TTLL9: variants seen among roughly 807,000 people sequenced by gnomAD.
TTLL9 encodes the protein tubulin tyrosine ligase like 9.
A neutral mutation model predicts 65.6 loss-of-function variants in TTLL9; 47 were observed. That is an observed-to-expected ratio of 0.72 (90% CI 0.57 to 0.91). The LOEUF is 0.91. Ranked by LOEUF, TTLL9 falls within the 40% of genes least tolerant of loss-of-function variation. The pLI, the probability that TTLL9 is intolerant of heterozygous loss-of-function variation, is 0.00. For missense variants in TTLL9, 537 were observed against 568.8 expected, an observed-to-expected ratio of 0.94 and a Z score of 0.57; for synonymous variants, 179 against 204.8, an observed-to-expected ratio of 0.87 and a Z score of 1.07.
Position 31,871,566 on chromosome 20 carries a change from G to C in TTLL9, c.69+371G>C, listed in dbSNP as rs145350321. On this transcript the variant is annotated intron_variant, in intron 2 of 14. Coordinates refer to ENST00000535842, the MANE Select transcript of TTLL9 (RefSeq NM_001008409.5). ...ACTGGGGATTGTGGATAGAGAGCAG[G>C]ACAGAGAGAATCCACAGAGCCCTTT... Among the ~76,000 whole-genome samples, 241 of 152,300 alleles carry C rather than the reference G, an allele frequency of 1.6e-3. No individual in the cohort carries two copies. In the Middle Eastern group the frequency reaches 0.02, roughly 13 times the overall value.
At chr20:31,879,915 C>A in intron 2 of TTLL9, 1 of 1,530,554 alleles carries the variant, frequency 6.5e-7, no homozygotes, top group South Asian at 1.2e-5. Context: ...TCGACCTGAC[C>A]CAGATGCTTT....
At chr20:31,936,602 C>T (rs567299912) in intron 12 of TTLL9, among the ~76,000 whole-genome samples, 1 of 152,318 alleles carries the variant, frequency 6.6e-6, no homozygotes, top group African/African-American at 2.4e-5. Flanking sequence ...TTGGAATGCC[C>T]TCTCCAGCTC....
intron 2 of TTLL9, 78 bp from the exon 3 acceptor site, chr20:31,887,118 A>C: frequency 1.4e-6 from 2 of 1,466,490 alleles, no homozygotes; most frequent in Non-Finnish European, 1.9e-6. Context: ...GGGCATTTTA[A>C]TATCTGCAGT....
intron 2 of TTLL9, among the ~76,000 whole-genome samples, chr20:31,877,788 C>G (rs1158989745): frequency 6.6e-6 from 1 of 152,084 alleles, no homozygotes; most frequent in Non-Finnish European, 1.5e-5. Flanking sequence ...TCTCCTTGCC[C>G]CAACATATAC....
rs375074841 is a variant in TTLL9, at chr20:31,909,796, T to C, written c.378T>C (p.Arg126=). 3.7e-6 allele frequency: 6 copies of C among 1,614,028 alleles called. No individual in the cohort carries two copies. In the African/African-American group the frequency reaches 8.0e-5, roughly 22 times the overall value. The change falls in exon 6 of 15, where the codon CGT becomes CGC. Residue 126 remains arginine (R), a synonymous_variant. Coordinates refer to ENST00000535842, the MANE Select transcript of TTLL9 (RefSeq NM_001008409.5). ...NLKRFRKQLE[R]EAGKLEAAKC... ...AGCGGTTCCGGAAGCAGCTGGAGCG[T>C]GAGGCAGGAAAGCTGGAGGCAGCCA... is the stretch of plus-strand genomic sequence containing the variant.
intron 3 of TTLL9, 101 bp from the exon 4 acceptor site, chr20:31,898,372 C>T: frequency 1.1e-6 from 1 of 921,796 alleles, no homozygotes; most frequent in Non-Finnish European, 1.7e-6. Flanking sequence ...TGGAACTTTC[C>T]AGGTATGGAA....
intron 2 of TTLL9, chr20:31,879,828 TA>T: frequency 1.3e-6 from 2 of 1,549,242 alleles, no homozygotes; most frequent in Non-Finnish European, 1.7e-6. Flanking sequence ...ACGGGACGCA[TA>T]AGCACGCGAG....
At position 31,934,879 on chromosome 20, in the gene TTLL9, A is replaced by G. The variant is rs754344935; in HGVS notation, c.995A>G (p.Asp332Gly). 5.0e-6 allele frequency: 8 copies of G among 1,609,944 alleles called. No individual in the cohort carries two copies. Among genetic ancestry groups the G allele is most frequent in the Non-Finnish European group, 6.8e-6 (8 of 1,177,280 alleles). ...LYGYDILIDQ[D>G]LKPWLLEVNA... ...GGCTATGACATCCTCATCGACCAGG[A>G]CCTCAAGCCGTAAGTGGGTGGGTGG... Residue 332 changes from aspartate to glycine, a missense_variant, in exon 12 of 15, where the codon GAC becomes GGC. By Grantham distance (94) the Asp-to-Gly change is moderately conservative. Transcript: ENST00000535842.
chr20:31,908,681 T>C lies in TTLL9; in HGVS notation c.297T>C (p.Ser99=). The change falls in exon 5 of 15, where the codon AGT becomes AGC. Residue 99 remains serine (S), a synonymous_variant. Coordinates refer to ENST00000535842, the MANE Select transcript of TTLL9 (RefSeq NM_001008409.5). ...HTYMDEHVRI[S]HFRNHYELTR... ...ACATGGATGAACATGTGCGGATCAG[T>C]CACTTCCGGAACCACTATGAGGTGA... 1.9e-6 allele frequency: 3 copies of C among 1,614,036 alleles called. No individual in the cohort carries two copies. In the South Asian group the frequency reaches 3.3e-5, roughly 18 times the overall value.
intron 2 of TTLL9, among the ~76,000 whole-genome samples, chr20:31,883,132 AG>A (rs1275916541): frequency 6.6e-6 from 1 of 152,128 alleles, no homozygotes; most frequent in Non-Finnish European, 1.5e-5. Flanking sequence ...ACCCTTCAGC[AG>A]TGGGAGACAG....
Position 31,887,246 on chromosome 20 carries a change from G to C in TTLL9, c.113+7G>C. 9 of 1,614,094 alleles carry C rather than the reference G, an allele frequency of 5.6e-6. No individual in the cohort carries two copies. Among genetic ancestry groups the C allele is most frequent in the Non-Finnish European group, 7.6e-6 (9 of 1,180,004 alleles). On this transcript the variant is annotated splice_region_variant and intron_variant, in intron 3 of 14. Coordinates refer to ENST00000535842, the MANE Select transcript of TTLL9 (RefSeq NM_001008409.5). The stretch of plus-strand genomic sequence containing the variant: ...TGTCAAAGGGAAAAGAGCGGTGAGT[G>C]GTCCCATCCAATCCAACAATCACAG...
At chr20:31,942,872 G>A in intron 14 of TTLL9, 73 bp from the exon 15 acceptor site, 1 of 1,468,120 alleles carries the variant, frequency 6.8e-7, no homozygotes, top group African/African-American at 1.4e-5. Flanking sequence ...TTCCCAGCAG[G>A]GAGTTGGGGC....
At chr20:31,904,679 A>T (rs2063526096) in intron 4 of TTLL9, among the ~76,000 whole-genome samples, 1 of 152,012 alleles carries the variant, frequency 6.6e-6, no homozygotes, top group Non-Finnish European at 1.5e-5. Flanking sequence ...TTCTTGCCTA[A>T]ATCTATTATT....
intron 6 of TTLL9, 85 bp downstream of exon 6, chr20:31,910,007 A>G: frequency 7.3e-7 from 1 of 1,372,418 alleles, no homozygotes; most frequent in Non-Finnish European, 1.0e-6. Context: ...CTGCCTGGGA[A>G]TTCAGCCTTA....
At chr20:31,902,412 G>A (rs575903268) in intron 4 of TTLL9, among the ~76,000 whole-genome samples, 2 of 152,146 alleles carry the variant, frequency 1.3e-5, no homozygotes, top group Admixed American at 6.6e-5. Flanking sequence ...ATGGAGTCTC[G>A]CTGTGTCGCC....
rs776036423 is a variant in TTLL9 at position 31,883,200 on chromosome 20, CTTT to C, written c.70-3981_70-3979del. 1.0e-3 allele frequency among the ~76,000 whole-genome samples: 143 copies of C among 140,056 alleles called. No homozygotes were observed. In the Middle Eastern group the frequency reaches 0.018, roughly 18 times the overall value. The allele number at this position is 140,056 out of a possible 152,430, so 91.9% of individuals were successfully genotyped here. On this transcript the variant is annotated intron_variant, in intron 2 of 14. Coordinates refer to ENST00000535842, the MANE Select transcript of TTLL9 (RefSeq NM_001008409.5). ...AAAACCTTTCTCCTGAGAATTCTTT[CTTT>C]TTTTTTTTTTTTTTGAAACAGAGTC...
intron 9 of TTLL9, 49 bp downstream of exon 9, chr20:31,925,098 C>T (rs768155289): frequency 1.2e-6 from 2 of 1,604,838 alleles, no homozygotes; most frequent in Admixed American, 3.3e-5. Flanking sequence ...TAAAGGGTGG[C>T]TGGGCTAGGG....
rs1239468488 is a variant in TTLL9 at position 31,944,791 on chromosome 20, G to C, written c.*1770G>C. The C allele has an allele frequency of 1.3e-5, 2 of 152,214 alleles. No individual in the cohort carries two copies. Among genetic ancestry groups the C allele is most frequent in the Admixed American group, 6.5e-5 (1 of 15,272 alleles). The allele number at this position is 152,214 out of a possible 1,614,324, so 9.4% of individuals were successfully genotyped here. ...AACTATGAGCCAGAGCCAAGGAGCG[G>C]GGGGACCAGGAGAGGTGTGCCCCTG... On this transcript the variant is annotated 3_prime_UTR_variant, in exon 15 of 15. Coordinates refer to ENST00000535842, the MANE Select transcript of TTLL9 (RefSeq NM_001008409.5).
chr20:31,905,299 T>G (rs1354176476), intron 4 of TTLL9, among the ~76,000 whole-genome samples: 2 of 151,930 alleles, frequency 1.3e-5, no homozygotes, highest in Non-Finnish European at 2.9e-5. Context: ...GGTCTCAAAC[T>G]CCTGACCTCA....
Sources: allele counts gnomAD v4.1 joint callset (sites outside exome capture counted in the v4.1 genomes callset), GRCh38; gene constraint gnomAD v4.1.1; transcripts MANE v1.5; gene names NCBI Gene and HGNC (gene_info 2026-07-23, HGNC 2026-07-21).